CYRIB: variants seen among roughly 807,000 people sequenced by gnomAD.
CYRIB encodes CYFIP related Rac1 interactor B, also known as CYFIP-related Rac1 interactor B.
Under a neutral mutation model 44.2 loss-of-function variants are expected in CYRIB, and 8 were observed. That is an observed-to-expected ratio of 0.18 (90% CI 0.11 to 0.33). The LOEUF (loss-of-function observed/expected upper bound fraction) is 0.33. Among genes scored for constraint, CYRIB ranks in the 10% least tolerant of loss-of-function variants. The probability of loss-of-function intolerance (pLI) is 1.00; values close to 1 mark genes in which losing one functional copy is unlikely to be tolerated. For missense variants in CYRIB, 185 were observed against 382.8 expected (o/e 0.48, Z 4.31); for synonymous variants, 131 against 127.2 (o/e 1.03, Z -0.20).
At chr8:129,987,253 G>A (rs2096489181) in intron 1 of CYRIB, among the ~76,000 whole-genome samples, 1 of 152,206 alleles carries the variant, frequency 6.6e-6, no homozygotes, top group African/African-American at 2.4e-5. Context: ...ACCAGGTAGT[G>A]ACTTGACACA....
At chr8:129,990,356 T>A (rs1047904601) in intron 1 of CYRIB, among the ~76,000 whole-genome samples, 4 of 152,192 alleles carry the variant, frequency 2.6e-5, no homozygotes, top group African/African-American at 9.7e-5. Flanking sequence ...AGATAAAGTA[T>A]GTTTCATCTA....
intron 2 of CYRIB, among the ~76,000 whole-genome samples, chr8:129,955,252 C>CAAA (rs34829432): frequency 9.7e-6 from 1 of 102,824 alleles, no homozygotes. Flanking sequence ...AACTCCGTCT[C>CAAA]AAAAAAAAAA....
chr8:129,899,990 G>GT (rs1200750682), intron 2 of CYRIB, among the ~76,000 whole-genome samples: 1 of 152,092 alleles, frequency 6.6e-6, no homozygotes, highest in African/African-American at 2.4e-5. Flanking sequence ...CTTAACATTA[G>GT]TAACTCCATT....
At chr8:129,882,933 C>T (rs529114116) in intron 2 of CYRIB, among the ~76,000 whole-genome samples, 1 of 151,902 alleles carries the variant, frequency 6.6e-6, no homozygotes, top group South Asian at 2.1e-4. Flanking sequence ...CGCAGTGGCT[C>T]ACGCTTGTAA....
At chr8:129,997,489 G>A (rs2096801246) in intron 1 of CYRIB, among the ~76,000 whole-genome samples, 1 of 152,248 alleles carries the variant, frequency 6.6e-6, no homozygotes, top group Non-Finnish European at 1.5e-5. Context: ...GGAAAATGCT[G>A]TGCGTTTTCA....
intron 4 of CYRIB, among the ~76,000 whole-genome samples, chr8:129,870,111 G>A (rs1441831272): frequency 6.6e-6 from 1 of 152,118 alleles, no homozygotes; most frequent in Non-Finnish European, 1.5e-5. Flanking sequence ...ATCTGCTAAT[G>A]TAAAATAAAA....
At chr8:129,843,351 T>C (rs939647442) in intron 11 of CYRIB, among the ~76,000 whole-genome samples, 5 of 152,150 alleles carry the variant, frequency 3.3e-5, no homozygotes, top group African/African-American at 4.8e-5. Flanking sequence ...ATTCTGGCTG[T>C]TGAGGGCAAG....
chr8:129,903,595 G>A (rs917531794), intron 1 of CYRIB, among the ~76,000 whole-genome samples: 5 of 152,132 alleles, frequency 3.3e-5, no homozygotes, highest in African/African-American at 1.2e-4. Flanking sequence ...AGTTGTCACC[G>A]TCAACATACT....
intron 9 of CYRIB, 164 bp downstream of exon 11, chr8:129,850,671 C>G (rs2042804235): frequency 3.1e-6 from 2 of 647,908 alleles, no homozygotes; most frequent in South Asian, 3.5e-5. Flanking sequence ...GTTAAATAGC[C>G]AAATTATTTT....
intron 2 of CYRIB, among the ~76,000 whole-genome samples, chr8:129,891,909 T>C (rs2065593778): frequency 6.6e-6 from 1 of 152,188 alleles, no homozygotes; most frequent in Non-Finnish European, 1.5e-5. Flanking sequence ...ATGGATATAA[T>C]AAATTAGGAG....
At position 129,878,412 on chromosome 8, in the gene CYRIB, G is replaced by A. The variant is rs558803218; in HGVS notation, c.73+977C>T. 1.1e-3 allele frequency among the ~76,000 whole-genome samples: 161 copies of A among 152,304 alleles called. 1 individual carries two copies. The highest frequency in any genetic ancestry group is 3.4e-3 in the Middle Eastern group (1 of 294). On this transcript the variant is annotated intron_variant, in intron 3 of 11. Coordinates refer to ENST00000519824, the Ensembl canonical transcript of CYRIB. ...AATTGAAGTTGGAGGAAAAGGCAGT[G>A]ACTTTCTGGGGTTTAAGTGATTTAT...
intron 1 of CYRIB, among the ~76,000 whole-genome samples, chr8:129,920,977 G>C (rs2083261622): frequency 6.6e-6 from 1 of 152,008 alleles, no homozygotes. Context: ...TGCAAGAATA[G>C]GAAAAAAATT....
chr8:129,840,536 T>G (rs1001810573), exon 12 of CYRIB: 5 of 152,224 alleles, frequency 3.3e-5, no homozygotes, highest in Non-Finnish European at 5.9e-5. Context: ...CTATTCAGCC[T>G]ATTACACTAT....
At chr8:129,907,868 G>T (rs2076229437) in intron 1 of CYRIB, among the ~76,000 whole-genome samples, 1 of 152,146 alleles carries the variant, frequency 6.6e-6, no homozygotes, top group Non-Finnish European at 1.5e-5. Context: ...CAGGCATGGT[G>T]GTGCATGCCT....
chr8:129,866,984 C>T (rs1455128342), intron 4 of CYRIB, among the ~76,000 whole-genome samples: 13 of 152,222 alleles, frequency 8.5e-5, no homozygotes, highest in Admixed American at 8.5e-4. Context: ...GCAGGTATAA[C>T]TTATTTTCAA....
chr8:129,978,187 G>A (rs1485967505), intron 1 of CYRIB, among the ~76,000 whole-genome samples: 2 of 152,188 alleles, frequency 1.3e-5, no homozygotes, highest in East Asian at 3.9e-4. Context: ...CAAAGCCACA[G>A]TGGGCCACCG....
intron 1 of CYRIB, among the ~76,000 whole-genome samples, chr8:130,015,392 C>T (rs1475253442): frequency 1.3e-5 from 2 of 152,110 alleles, no homozygotes; most frequent in African/African-American, 4.8e-5. Flanking sequence ...TTTCTCAAGG[C>T]CCCACTCGCA....
chr8:129,886,578 CT>C, intron 2 of CYRIB, among the ~76,000 whole-genome samples: 1 of 152,204 alleles, frequency 6.6e-6, no homozygotes, highest in East Asian at 1.9e-4. Context: ...TCTTTTGTTT[CT>C]CTCCTTTCGT....
chr8:129,852,156 G>T lies in CYRIB; in HGVS notation c.633+6C>A. 6.6e-7 allele frequency: 1 copy of T among 1,523,738 alleles called. No individual in the cohort carries two copies. Among genetic ancestry groups the T allele is most frequent in the Non-Finnish European group, 8.9e-7 (1 of 1,127,968 alleles). 94.4% of individuals were successfully genotyped at this position (1,523,738 alleles called of 1,614,324 possible). On this transcript the variant is annotated splice_donor_region_variant and intron_variant, in intron 8 of 11. Coordinates refer to ENST00000519824, the Ensembl canonical transcript of CYRIB. Reference sequence around the variant, plus strand: ...AACACAGAGTACCTGCCTAGGCAATGCTTACCTCTGATACAAATTTTGTTG... The same window carrying T: ...AACACAGAGTACCTGCCTAGGCAATTCTTACCTCTGATACAAATTTTGTTG...
Sources: allele counts gnomAD v4.1 joint callset (sites outside exome capture counted in the v4.1 genomes callset), GRCh38; gene constraint gnomAD v4.1.1; transcripts MANE v1.5; gene names NCBI Gene and HGNC (gene_info 2026-07-23, HGNC 2026-07-21).